PIK3C3: variants seen among roughly 807,000 people sequenced by gnomAD.
PIK3C3 encodes phosphatidylinositol 3-kinase catalytic subunit type 3, also known as PI3-kinase type 3.
In PIK3C3, 95 loss-of-function variants were observed where a neutral mutation model predicts 126.1. The observed-to-expected ratio is 0.75, with a 90% CI of 0.64 to 0.89. PIK3C3 has a LOEUF of 0.89. Among genes scored for constraint, PIK3C3 ranks in the 40% least tolerant of loss-of-function variants. The pLI, the probability that PIK3C3 is intolerant of heterozygous loss-of-function variation, is 0.00. For missense variants in PIK3C3, 829 were observed against 1,063.2 expected, an observed-to-expected ratio of 0.78 and a Z score of 3.06; for synonymous variants, 374 against 360.0, an observed-to-expected ratio of 1.04 and a Z score of -0.44.
chr18:41,955,405 G>A, intron 1 of PIK3C3, 46 bp downstream of exon 1: 1 of 1,524,532 alleles, frequency 6.6e-7, no homozygotes, highest in Non-Finnish European at 9.1e-7. Flanking sequence ...GGGGCGTAGG[G>A]ACGTGGGGGC....
chr18:41,996,534 T>A (rs898027898), intron 8 of PIK3C3, 104 bp from the exon 9 acceptor site: 2 of 505,986 alleles, frequency 4.0e-6, no homozygotes, highest in African/African-American at 4.0e-5. Flanking sequence ...GTGTAATAAT[T>A]GTAGTATAGA....
intron 5 of PIK3C3, among the ~76,000 whole-genome samples, chr18:41,988,386 CAG>C (rs146310065): frequency 6.6e-6 from 1 of 152,118 alleles, no homozygotes; most frequent in East Asian, 1.9e-4. Flanking sequence ...GTATGTGAGC[CAG>C]TGTGTATGTT....
intron 4 of PIK3C3, among the ~76,000 whole-genome samples, chr18:41,975,443 T>C (rs559231883): frequency 2.6e-4 from 39 of 152,300 alleles, no homozygotes; most frequent in African/African-American, 9.4e-4. Context: ...ACAGTGCACA[T>C]GTCGAACGTT....
chr18:41,997,235 G>GGA (rs1247712273), intron 9 of PIK3C3, among the ~76,000 whole-genome samples: 1 of 152,092 alleles, frequency 6.6e-6, no homozygotes, highest in Non-Finnish European at 1.5e-5. Flanking sequence ...AGATGTGGCT[G>GGA]GAGAGAGAGT....
chr18:41,995,629 A>C (rs922014437), intron 7 of PIK3C3, among the ~76,000 whole-genome samples: 1 of 152,172 alleles, frequency 6.6e-6, no homozygotes, highest in Admixed American at 6.6e-5. Context: ...AACCTTGAAT[A>C]TGTGGAGAGT....
rs368003301 is a variant in PIK3C3, at chr18:41,997,193, T to G, written c.984+463T>G. The stretch of plus-strand genomic sequence containing the variant: ...GGGTGACTAGGAAAATACGTATGCT[T>G]TTATAATAACGAAACTACAGAATTC... On this transcript the variant is annotated intron_variant, in intron 9 of 24. Transcript: ENST00000262039. Among the ~76,000 whole-genome samples, 337 of 152,222 alleles carry G rather than the reference T, an allele frequency of 2.2e-3. 1 individual carries two copies. Among genetic ancestry groups the G allele is most frequent in the African/African-American group, 7.5e-3 (311 of 41,552 alleles).
intron 4 of PIK3C3, among the ~76,000 whole-genome samples, chr18:41,987,340 A>G (rs181287207): frequency 6.6e-6 from 1 of 152,244 alleles, no homozygotes; most frequent in East Asian, 1.9e-4. Flanking sequence ...TAAAGCATAC[A>G]TGCATATGTG....
In PIK3C3 at chr18:42,081,733, T is replaced by C. The variant is rs1986258184; in HGVS notation, c.*596T>C. 6.6e-6 allele frequency: 1 copy of C among 152,238 alleles called. No homozygotes were observed. The highest frequency in any genetic ancestry group is 6.5e-5 in the Admixed American group (1 of 15,288). The allele number at this position is 152,238 out of a possible 1,614,324, so 9.4% of individuals were successfully genotyped here. On this transcript the variant is annotated 3_prime_UTR_variant, in exon 25 of 25. Coordinates refer to ENST00000262039, the MANE Select transcript of PIK3C3 (RefSeq NM_002647.4). ...ATATTTTTAGAAGATACTCATTTTC[T>C]CTTACAAATAATTAATTTTTTGTAA...
intron 1 of PIK3C3, 108 bp downstream of exon 1, chr18:41,955,467 C>G (rs780558041): frequency 1.1e-6 from 1 of 931,560 alleles, no homozygotes; most frequent in Non-Finnish European, 1.7e-6. Context: ...TCTCAAGGCC[C>G]AGATTGGGGG....
At chr18:41,996,858 G>T in intron 9 of PIK3C3, 128 bp downstream of exon 9, 1 of 460,098 alleles carries the variant, frequency 2.2e-6, no homozygotes, top group East Asian at 3.4e-5. Context: ...CAGTATATAT[G>T]AGACTCCATT....
chr18:42,008,968 C>T (rs1209162844), intron 10 of PIK3C3, among the ~76,000 whole-genome samples: 1 of 152,024 alleles, frequency 6.6e-6, no homozygotes, highest in East Asian at 1.9e-4. Context: ...TAACTCTTTT[C>T]TGTAATTAGG....
intron 4 of PIK3C3, among the ~76,000 whole-genome samples, chr18:41,975,512 T>C (rs1207507091): frequency 2.6e-5 from 4 of 152,136 alleles, no homozygotes; most frequent in Non-Finnish European, 5.9e-5. Context: ...TTTACAAATT[T>C]GTGGTGGGTG....
intron 20 of PIK3C3, 23 bp from the exon 21 acceptor site, chr18:42,049,508 A>G (rs777888902): frequency 4.4e-6 from 7 of 1,584,832 alleles, no homozygotes; most frequent in Non-Finnish European, 5.2e-6. Flanking sequence ...GTTTTCACAT[A>G]TTTTTTTTAA....
Position 42,081,119 on chromosome 18 carries a change from G to A in PIK3C3, c.2650-4G>A, listed in dbSNP as rs181705022. The A allele has an allele frequency of 1.6e-4, 242 of 1,529,176 alleles. 1 individual carries two copies. The African/African-American group carries it at 3.0e-3, about 19-fold the overall frequency. 94.7% of individuals were successfully genotyped at this position (1,529,176 alleles called of 1,614,324 possible). A position where few individuals can be genotyped will look rare whatever the true frequency, so the allele number is the denominator to read the frequency against. On this transcript the variant is annotated splice_polypyrimidine_tract_variant and splice_region_variant and intron_variant, in intron 24 of 24. Transcript: ENST00000262039. ...TTCTGTTTATTTCTTTTTAATTTTT[G>A]TAGTACTGGAGAAAATGAAACTGGG...
chr18:42,025,233 G>A (rs888953496), intron 13 of PIK3C3: 1 of 152,238 alleles, frequency 6.6e-6, no homozygotes, highest in Non-Finnish European at 1.5e-5. Flanking sequence ...TTGGAAATAA[G>A]TTTGCTGCAT....
chr18:42,075,558 T>C (rs1486686778), intron 24 of PIK3C3, among the ~76,000 whole-genome samples: 1 of 151,976 alleles, frequency 6.6e-6, no homozygotes, highest in African/African-American at 2.4e-5. Context: ...CTCACACCTG[T>C]GAAGTAAGTG....
At chr18:41,994,657 A>T (rs890938006) in intron 7 of PIK3C3, among the ~76,000 whole-genome samples, 1 of 152,182 alleles carries the variant, frequency 6.6e-6, no homozygotes, top group African/African-American at 2.4e-5. Flanking sequence ...AATGGAATTA[A>T]TTTGGAAAAA....
intron 5 of PIK3C3, among the ~76,000 whole-genome samples, chr18:41,990,164 A>C (rs1981703923): frequency 6.6e-6 from 1 of 152,176 alleles, no homozygotes; most frequent in Non-Finnish European, 1.5e-5. Flanking sequence ...ACATGTGTGC[A>C]AAATACCTTC....
intron 4 of PIK3C3, among the ~76,000 whole-genome samples, chr18:41,973,480 G>A (rs1034387297): frequency 4.0e-5 from 6 of 151,596 alleles, no homozygotes; most frequent in African/African-American, 7.3e-5. Context: ...CTAACTTACC[G>A]GAGAGAGTAT....
Sources: gnomAD v4.1 joint callset for allele counts (sites outside exome capture counted in the v4.1 genomes callset) on GRCh38, gnomAD v4.1.1 for gene constraint, MANE v1.5 for transcripts, NCBI Gene and HGNC (gene_info 2026-07-23, HGNC 2026-07-21) for gene names.